DOCK3: variants seen among roughly 807,000 people sequenced by gnomAD.
DOCK3 encodes the protein dedicator of cytokinesis protein 3.
In DOCK3, 60 loss-of-function variants were observed where a neutral mutation model predicts 265.6. The observed-to-expected ratio is 0.23, with a 90% CI of 0.18 to 0.28. The LOEUF is 0.28. Among genes scored for constraint, DOCK3 ranks in the 10% least tolerant of loss-of-function variants. The pLI, the probability that DOCK3 is intolerant of heterozygous loss-of-function variation, is 1.00. For missense variants in DOCK3, 1,981 were observed against 2,594.3 expected, an observed-to-expected ratio of 0.76 and a Z score of 5.14; for synonymous variants, 881 against 938.0, an observed-to-expected ratio of 0.94 and a Z score of 1.11.
chr3:50,784,311 T>G (rs2042075002), intron 2 of DOCK3, among the ~76,000 whole-genome samples: 1 of 152,262 alleles, frequency 6.6e-6, no homozygotes, highest in Non-Finnish European at 1.5e-5. Context: ...TCAAACATCA[T>G]TTGGCTATAA....
intron 14 of DOCK3, among the ~76,000 whole-genome samples, chr3:51,223,275 A>G (rs1672586583): frequency 6.6e-6 from 1 of 152,184 alleles, no homozygotes; most frequent in Non-Finnish European, 1.5e-5. Context: ...TATAATATAT[A>G]ACTAGGAAAA....
chr3:50,914,250 T>C (rs745608541), intron 4 of DOCK3, among the ~76,000 whole-genome samples: 17 of 152,028 alleles, frequency 1.1e-4, no homozygotes, highest in Non-Finnish European at 5.9e-5. Context: ...TTGTTCTTGC[T>C]CATCTAATTA....
chr3:51,213,924 T>C (rs1442564152), intron 13 of DOCK3, among the ~76,000 whole-genome samples, 198 bp from the exon 14 acceptor site: 1 of 152,200 alleles, frequency 6.6e-6, no homozygotes, highest in East Asian at 1.9e-4. Context: ...CTCTGGGTTA[T>C]TGGGGTCACT....
intron 4 of DOCK3, among the ~76,000 whole-genome samples, chr3:50,897,225 G>A (rs755021689): frequency 1.1e-4 from 16 of 152,056 alleles, no homozygotes; most frequent in South Asian, 2.1e-4. Context: ...GTATTCCTAG[G>A]TATTTTATTC....
chr3:51,212,703 T>C (rs939426704), intron 13 of DOCK3, among the ~76,000 whole-genome samples: 4 of 152,194 alleles, frequency 2.6e-5, no homozygotes, highest in Non-Finnish European at 4.4e-5. Context: ...ATAAACTAAT[T>C]GCGGTTTAGT....
intron 14 of DOCK3, among the ~76,000 whole-genome samples, chr3:51,222,009 A>C (rs2090120486): frequency 6.6e-6 from 1 of 152,180 alleles, no homozygotes; most frequent in African/African-American, 2.4e-5. Context: ...CATCAGAATC[A>C]CTTGGTGATT....
At chr3:51,065,623 A>C (rs1178608583) in intron 6 of DOCK3, among the ~76,000 whole-genome samples, 2 of 152,208 alleles carry the variant, frequency 1.3e-5, no homozygotes, top group African/African-American at 4.8e-5. Flanking sequence ...TCTTCAGATA[A>C]ACAAATATAA....
At chr3:50,797,035 G>A (rs1281770825) in intron 2 of DOCK3, among the ~76,000 whole-genome samples, 1 of 152,166 alleles carries the variant, frequency 6.6e-6, no homozygotes, top group African/African-American at 2.4e-5. Context: ...AGTGCATTTT[G>A]TAGTGTGGTG....
At chr3:50,719,019 C>T (rs1011952680) in intron 1 of DOCK3, among the ~76,000 whole-genome samples, 6 of 151,808 alleles carry the variant, frequency 4.0e-5, no homozygotes, top group African/African-American at 1.5e-4. Context: ...CTCCTGACCT[C>T]GTGATCCGCC....
At chr3:51,197,737 G>C (rs1224984600) in intron 12 of DOCK3, among the ~76,000 whole-genome samples, 1 of 152,106 alleles carries the variant, frequency 6.6e-6, no homozygotes, top group Non-Finnish European at 1.5e-5. Context: ...CAGGTGAGGG[G>C]TGTTAGCAGC....
At chr3:51,023,446 C>G (rs1575801733) in intron 5 of DOCK3, among the ~76,000 whole-genome samples, 1 of 152,140 alleles carries the variant, frequency 6.6e-6, no homozygotes, top group East Asian at 1.9e-4. Context: ...GAGACAGAGT[C>G]TCGCTCTGTT....
intron 4 of DOCK3, among the ~76,000 whole-genome samples, chr3:50,908,096 T>C (rs1299201976): frequency 2.0e-5 from 3 of 152,042 alleles, no homozygotes; most frequent in African/African-American, 7.3e-5. Context: ...TTGTGTCTAT[T>C]TGATTCTCAT....
At chr3:50,683,840 C>A (rs1373763891) in intron 1 of DOCK3, among the ~76,000 whole-genome samples, 2 of 112,688 alleles carry the variant, frequency 1.8e-5, no homozygotes, top group Non-Finnish European at 3.7e-5. Flanking sequence ...CTCTCCTCCC[C>A]CCCCCCCACC....
At chr3:51,031,833 C>T (rs2080060274) in intron 5 of DOCK3, among the ~76,000 whole-genome samples, 1 of 152,166 alleles carries the variant, frequency 6.6e-6, no homozygotes, top group Non-Finnish European at 1.5e-5. Context: ...GAGGGAACTT[C>T]CAGCATGTGA....
intron 9 of DOCK3, among the ~76,000 whole-genome samples, chr3:51,120,633 G>T (rs2083968791): frequency 6.6e-6 from 1 of 152,204 alleles, no homozygotes. Context: ...CCTGACTGGG[G>T]CTGCTGCCTT....
At chr3:51,081,895 C>CAA (rs56305507) in intron 7 of DOCK3, among the ~76,000 whole-genome samples, 21,723 of 117,278 alleles carry the variant, frequency 0.19, 2,283 homozygotes, top group South Asian at 0.34. Context: ...GACTCTGTCT[C>CAA]AAAAAAAAAA....
intron 1 of DOCK3, among the ~76,000 whole-genome samples, chr3:50,706,289 C>T (rs1291163401): frequency 1.3e-5 from 2 of 152,104 alleles, no homozygotes; most frequent in African/African-American, 2.4e-5. Flanking sequence ...CCAGTATAGT[C>T]GTTAATGAAT....
chr3:51,351,351 G>C (rs1296339624), intron 40 of DOCK3, among the ~76,000 whole-genome samples: 3 of 152,170 alleles, frequency 2.0e-5, no homozygotes, highest in African/African-American at 7.2e-5. Flanking sequence ...AATTGGGTTA[G>C]CCAATGAGCA....
At chr3:51,120,976 G>A (rs567799020) in intron 9 of DOCK3, among the ~76,000 whole-genome samples, 3 of 152,224 alleles carry the variant, frequency 2.0e-5, no homozygotes, top group South Asian at 4.1e-4. Flanking sequence ...GGAGTGAATG[G>A]TTCTGTCTCA....
Sources: gnomAD v4.1 joint callset for allele counts (sites outside exome capture counted in the v4.1 genomes callset) on GRCh38, gnomAD v4.1.1 for gene constraint, MANE v1.5 for transcripts, NCBI Gene and HGNC (gene_info 2026-07-23, HGNC 2026-07-21) for gene names.